Variants in ADGRL3 observed in about 807,000 individuals in gnomAD.
ADGRL3 encodes adhesion G protein-coupled receptor L3, also known as calcium-independent alpha-latrotoxin receptor 3.
A neutral mutation model predicts 153.5 loss-of-function variants in ADGRL3; 62 were observed. The ratio of observed to expected loss-of-function variants is 0.40; its 90% CI spans 0.33 to 0.50. The LOEUF (loss-of-function observed/expected upper bound fraction) is 0.50, where lower values mean the gene tolerates loss of function less well. Ranked by LOEUF, ADGRL3 falls within the 20% of genes least tolerant of loss-of-function variation. ADGRL3 has a pLI of 0.47. For missense variants in ADGRL3, 1,641 were observed against 1,859.4 expected (o/e 0.88, Z 2.16); for synonymous variants, 710 against 672.5 (o/e 1.06, Z -0.86).
intron 9 of ADGRL3, among the ~76,000 whole-genome samples, chr4:61,890,496 G>C (rs1459612669): frequency 6.6e-6 from 1 of 152,044 alleles, no homozygotes; most frequent in Non-Finnish European, 1.5e-5. Flanking sequence ...CATGGCAGAA[G>C]GCAGAAGGGC....
chr4:61,375,797 A>G (rs1431993228), intron 1 of ADGRL3, among the ~76,000 whole-genome samples: 1 of 152,130 alleles, frequency 6.6e-6, no homozygotes, highest in Non-Finnish European at 1.5e-5. Flanking sequence ...AAAAAAATAC[A>G]TGAGTTTAGA....
intron 2 of ADGRL3, among the ~76,000 whole-genome samples, chr4:61,406,186 T>TAA (rs545784413): frequency 6.9e-6 from 1 of 145,832 alleles, no homozygotes; most frequent in African/African-American, 2.5e-5. Flanking sequence ...AAACTGAGGA[T>TAA]AAAAAAAAAA....
intron 9 of ADGRL3, among the ~76,000 whole-genome samples, chr4:61,865,066 C>T (rs1362389842): frequency 6.6e-6 from 1 of 152,110 alleles, no homozygotes; most frequent in African/African-American, 2.4e-5. Context: ...TTGTAATCTG[C>T]ATGTCACTCG....
intron 9 of ADGRL3, among the ~76,000 whole-genome samples, chr4:61,867,660 A>C (rs1018654281): frequency 1.3e-3 from 196 of 151,200 alleles, no homozygotes; most frequent in African/African-American, 4.7e-3. Context: ...TATGTGACAC[A>C]AGAGCCTTCA....
intron 1 of ADGRL3, among the ~76,000 whole-genome samples, chr4:61,368,453 C>A (rs1463800229): frequency 6.6e-6 from 1 of 152,066 alleles, no homozygotes; most frequent in Non-Finnish European, 1.5e-5. Flanking sequence ...ATATGGCTGG[C>A]CAGTTTTCCC....
chr4:61,271,141 T>G (rs1408306319), intron 1 of ADGRL3, among the ~76,000 whole-genome samples: 1 of 151,844 alleles, frequency 6.6e-6, no homozygotes, highest in East Asian at 1.9e-4. Flanking sequence ...AAGTCAGGCC[T>G]ATAGACTCAA....
chr4:61,535,190 G>T (rs2098647982), intron 4 of ADGRL3, among the ~76,000 whole-genome samples: 1 of 151,956 alleles, frequency 6.6e-6, no homozygotes, highest in South Asian at 2.1e-4. Context: ...TGAATCTATT[G>T]AGATGATCAC....
chr4:61,621,690 T>C lies in ADGRL3; in HGVS notation c.473+34250T>C, dbSNP rs372750780. Among the ~76,000 whole-genome samples the C allele has an allele frequency of 2.8e-4, 43 of 152,282 alleles. No individual in the cohort carries two copies. The South Asian group carries it at 8.3e-3, about 29-fold the overall frequency. Reference sequence around the variant, plus strand: ...TTTCCTCAGTAGGCTTATTTAGTTCTTCTAAACAGCTAATTTTCCTTTTAC... The same window carrying C: ...TTTCCTCAGTAGGCTTATTTAGTTCCTCTAAACAGCTAATTTTCCTTTTAC... On this transcript the variant is annotated intron_variant, in intron 5 of 26. Transcript: ENST00000683033.
chr4:61,391,568 A>G (rs1329634595), intron 2 of ADGRL3, among the ~76,000 whole-genome samples: 1 of 152,100 alleles, frequency 6.6e-6, no homozygotes, highest in African/African-American at 2.4e-5. Flanking sequence ...GTAAGTTTTC[A>G]TCACTCTAGG....
intron 1 of ADGRL3, among the ~76,000 whole-genome samples, chr4:61,239,526 C>T (rs2149304640): frequency 6.6e-6 from 1 of 152,082 alleles, no homozygotes; most frequent in Admixed American, 6.6e-5. Context: ...AGACAACAAA[C>T]AGAACACTTA....
intron 5 of ADGRL3, among the ~76,000 whole-genome samples, chr4:61,662,817 T>C (rs1055265767): frequency 8.5e-5 from 13 of 152,186 alleles, no homozygotes; most frequent in Admixed American, 8.5e-4. Context: ...TCAGCCTGAC[T>C]TGGGCAGACG....
intron 1 of ADGRL3, among the ~76,000 whole-genome samples, chr4:61,294,676 G>C (rs1003200146): frequency 6.6e-6 from 1 of 152,142 alleles, no homozygotes; most frequent in East Asian, 1.9e-4. Flanking sequence ...GTTGAAATAT[G>C]GTTCATAAAA....
At chr4:61,850,003 A>G (rs148990433) in intron 9 of ADGRL3, among the ~76,000 whole-genome samples, 501 of 152,282 alleles carry the variant, frequency 3.3e-3, no homozygotes, top group African/African-American at 0.012. Context: ...TTGTTAAGAC[A>G]GTCTTCTAAG....
intron 6 of ADGRL3, among the ~76,000 whole-genome samples, chr4:61,705,500 A>G (rs1271476362): frequency 6.7e-6 from 1 of 148,938 alleles, no homozygotes; most frequent in African/African-American, 2.4e-5. Flanking sequence ...TATATTTTAT[A>G]TATATATATA....
At chr4:61,905,911 A>G (rs1180801377) in intron 11 of ADGRL3, among the ~76,000 whole-genome samples, 1 of 151,896 alleles carries the variant, frequency 6.6e-6, no homozygotes, top group African/African-American at 2.4e-5. Flanking sequence ...AAAAAGAAAA[A>G]AAAAGTAATT....
chr4:61,397,519 G>C (rs2096882443), intron 2 of ADGRL3, among the ~76,000 whole-genome samples: 1 of 151,890 alleles, frequency 6.6e-6, no homozygotes, highest in Non-Finnish European at 1.5e-5. Flanking sequence ...AGAGTTATGA[G>C]TTGAAAGCAT....
At chr4:61,434,421 ATATGT>A (rs574634650) in intron 2 of ADGRL3, among the ~76,000 whole-genome samples, 208 of 152,252 alleles carry the variant, frequency 1.4e-3, no homozygotes, top group Middle Eastern at 3.4e-3. Context: ...GCATGTATAC[ATATGT>A]TATGTATACA....
At chr4:61,456,453 CTATATATATAGATATA>C (rs1560665105) in intron 2 of ADGRL3, among the ~76,000 whole-genome samples, 14 of 97,810 alleles carry the variant, frequency 1.4e-4, no homozygotes, top group African/African-American at 4.1e-4. Flanking sequence ...ATATCTATAT[CTATATATATAGATATA>C]TCTATATCTA....
At chr4:61,420,206 T>C (rs1280383318) in intron 2 of ADGRL3, 1 of 152,186 alleles carries the variant, frequency 6.6e-6, no homozygotes, top group Non-Finnish European at 1.5e-5. Flanking sequence ...TCTTCATTTG[T>C]TCTCCCATGA....
Sources: allele counts gnomAD v4.1 joint callset (sites outside exome capture counted in the v4.1 genomes callset), GRCh38; gene constraint gnomAD v4.1.1; transcripts MANE v1.5; gene names NCBI Gene and HGNC (gene_info 2026-07-23, HGNC 2026-07-21).